Variants in RYR2 observed in about 807,000 individuals in gnomAD.
The protein encoded by RYR2 is cardiac muscle ryanodine receptor-calcium release channel.
A neutral mutation model predicts 601.1 loss-of-function variants in RYR2; 227 were observed. The ratio of observed to expected loss-of-function variants is 0.38; its 90% CI spans 0.34 to 0.42. RYR2 has a LOEUF of 0.42. RYR2 is among the 10% of genes least tolerant of loss of function. The probability of loss-of-function intolerance (pLI) is 1.00; values close to 1 mark genes in which losing one functional copy is unlikely to be tolerated. For missense variants in RYR2, 4,646 were observed against 6,156.5 expected, an observed-to-expected ratio of 0.75 and a Z score of 8.21; for synonymous variants, 2,223 against 2,175.1, an observed-to-expected ratio of 1.02 and a Z score of -0.61.
chr1:237,220,639 A>G lies in RYR2; in HGVS notation c.49-49858A>G, dbSNP rs143613595. Among the ~76,000 whole-genome samples the G allele has an allele frequency of 4.0e-3, 609 of 152,282 alleles. 3 individuals carry two copies. Among genetic ancestry groups the G allele is most frequent in the African/African-American group, 0.014 (570 of 41,556 alleles). On this transcript the variant is annotated intron_variant, in intron 1 of 104. Transcript: ENST00000366574. ...ACCTACGTTTCACTCTGTATTATCCATCTTGCATGCATCATCTCTGATCCT... is the reference window on the plus strand; with the variant it reads ...ACCTACGTTTCACTCTGTATTATCCGTCTTGCATGCATCATCTCTGATCCT...
At chr1:237,320,252 A>T (rs556101571) in intron 2 of RYR2, among the ~76,000 whole-genome samples, 86 of 152,172 alleles carry the variant, frequency 5.7e-4, no homozygotes, top group African/African-American at 1.9e-3. Flanking sequence ...TAATTTATTT[A>T]AAAAATGCAG....
chr1:237,518,347 T>A (rs1381254736), intron 24 of RYR2, among the ~76,000 whole-genome samples: 1 of 152,120 alleles, frequency 6.6e-6, no homozygotes, highest in Non-Finnish European at 1.5e-5. Flanking sequence ...ACTTTGAGGG[T>A]ATCCATCACC....
intron 24 of RYR2, among the ~76,000 whole-genome samples, chr1:237,528,108 C>A (rs959801472): frequency 6.6e-6 from 1 of 152,074 alleles, no homozygotes; most frequent in East Asian, 1.9e-4. Flanking sequence ...ATTAAAGATG[C>A]TGGCAATTTG....
chr1:237,709,525 C>T lies in RYR2; in HGVS notation c.10188C>T (p.Phe3396=), dbSNP rs1405213226. Residue 3396 remains phenylalanine (F), a synonymous_variant, in exon 70 of 105, where the codon TTC becomes TTT. Transcript: ENST00000366574. ...CTAACCCAGAAGCAGAGGAGCTCTT[C>T]CGCATGGTGGCTGAAGTGTTTATCT... is the stretch of plus-strand genomic sequence containing the variant. ...KEPNPEAEEL[F]RMVAEVFIYW... is the part of the protein sequence containing the mutation. 6.2e-7 allele frequency: 1 copy of T among 1,612,232 alleles called. No homozygotes were observed. Among genetic ancestry groups the T allele is most frequent in the Non-Finnish European group, 8.5e-7 (1 of 1,179,072 alleles).
intron 44 of RYR2, among the ~76,000 whole-genome samples, chr1:237,637,247 AT>A (rs1220525649): frequency 6.6e-6 from 1 of 152,202 alleles, no homozygotes; most frequent in African/African-American, 2.4e-5. Flanking sequence ...TTTGAAACTG[AT>A]TTAACTTAAG....
chr1:237,771,717 C>T (rs911930138), intron 85 of RYR2, among the ~76,000 whole-genome samples: 1 of 152,066 alleles, frequency 6.6e-6, no homozygotes, highest in Non-Finnish European at 1.5e-5. Flanking sequence ...AGGATAGCAA[C>T]CTTTTTTAGT....
Position 237,456,575 on chromosome 1 carries a change from A to ATTTT in RYR2, c.1477-14_1477-11dup, listed in dbSNP as rs397516518. 8 of 1,365,674 alleles carry ATTTT rather than the reference A, an allele frequency of 5.9e-6. No individual in the cohort carries two copies. The highest frequency in any genetic ancestry group is 3.6e-5 in the South Asian group (2 of 55,598). 84.6% of individuals were successfully genotyped at this position (1,365,674 alleles called of 1,614,324 possible). A position where few individuals can be genotyped will look rare whatever the true frequency, so the allele number is the denominator to read the frequency against. ...TGACAGTTTTGGATGTCTGATTGTG[A>ATTTT]TTTTTTTTTTTTTTAACGTTCCAGG... On this transcript the variant is annotated intron_variant, in intron 15 of 104. Transcript: ENST00000366574.
rs117007090 is a variant in RYR2 at position 237,107,758 on chromosome 1, G to A, written c.48+65189G>A. Among the ~76,000 whole-genome samples, 20 of 152,144 alleles carry A rather than the reference G, an allele frequency of 1.3e-4. No individual in the cohort carries two copies. In the East Asian group the frequency reaches 3.3e-3, roughly 25 times the overall value. On this transcript the variant is annotated intron_variant, in intron 1 of 104. Coordinates refer to ENST00000366574, the MANE Select transcript of RYR2 (RefSeq NM_001035.3). ...GACACTTGAGGTGGAAGATGCTTTG[G>A]GGCATTCCCTTCCAGATTCACGGTG...
intron 3 of RYR2, among the ~76,000 whole-genome samples, chr1:237,347,333 A>G (rs942431327): frequency 5.9e-5 from 9 of 152,116 alleles, no homozygotes; most frequent in Non-Finnish European, 1.3e-4. Context: ...AAACAGAAAA[A>G]ACAGAGAGGG....
intron 2 of RYR2, among the ~76,000 whole-genome samples, chr1:237,299,733 G>T (rs1307915991): frequency 1.3e-5 from 2 of 152,116 alleles, no homozygotes; most frequent in Non-Finnish European, 2.9e-5. Context: ...CCTCCTAGGG[G>T]CTTTTAGGAG....
At chr1:237,368,383 G>T in intron 5 of RYR2, among the ~76,000 whole-genome samples, 1 of 152,168 alleles carries the variant, frequency 6.6e-6, no homozygotes. Context: ...TAGAGAGAGG[G>T]AATGTTGTAT....
chr1:237,588,488 A>G (rs1384165710), intron 29 of RYR2, among the ~76,000 whole-genome samples: 1 of 152,158 alleles, frequency 6.6e-6, no homozygotes, highest in East Asian at 1.9e-4. Flanking sequence ...GCATTCCAAT[A>G]CTGACGTTTT....
chr1:237,626,580 CTTTTTT>C (rs60885998), intron 40 of RYR2, among the ~76,000 whole-genome samples: 6 of 40,052 alleles, frequency 1.5e-4, no homozygotes, highest in Admixed American at 3.8e-4. Context: ...TTTTCTTTTT[CTTTTTT>C]TTTTTTTTTT....
intron 1 of RYR2, among the ~76,000 whole-genome samples, chr1:237,257,368 C>T (rs1688096086): frequency 6.6e-6 from 1 of 152,142 alleles, no homozygotes; most frequent in Non-Finnish European, 1.5e-5. Context: ...GTGCCAGATG[C>T]TGTGCTATAT....
rs532145435 is a variant in RYR2, at chr1:237,215,356, A to G, written c.49-55141A>G. ...GAAAAAAACACTATATACAGGGTTC[A>G]GTACTATCCACAGTTTCAGGAATCC... On this transcript the variant is annotated intron_variant, in intron 1 of 104. Transcript: ENST00000366574. 6.6e-4 allele frequency among the ~76,000 whole-genome samples: 100 copies of G among 152,342 alleles called. 1 individual carries two copies. The highest frequency in any genetic ancestry group is 5.6e-3 in the South Asian group (27 of 4,828).
chr1:237,133,642 G>T (rs1279514656), intron 1 of RYR2, among the ~76,000 whole-genome samples: 2 of 152,142 alleles, frequency 1.3e-5, no homozygotes, highest in Non-Finnish European at 2.9e-5. Flanking sequence ...GGAGAAGAGA[G>T]CAACTTGTAT....
rs913834681 is a variant in RYR2, at chr1:237,833,550, C to T, written c.*903C>T. ...AAACCTTCAGAAACAAGTTGATCAA[C>T]GTGAGAGAAATTTCATGATAATTAT... is the stretch of plus-strand genomic sequence containing the variant. On this transcript the variant is annotated 3_prime_UTR_variant, in exon 105 of 105. Transcript: ENST00000366574. 6.6e-5 allele frequency: 10 copies of T among 152,354 alleles called. No individual in the cohort carries two copies. Among genetic ancestry groups the T allele is most frequent in the South Asian group, 4.2e-4 (2 of 4,810 alleles). The allele number at this position is 152,354 out of a possible 1,614,324, so 9.4% of individuals were successfully genotyped here.
intron 73 of RYR2, among the ~76,000 whole-genome samples, chr1:237,720,635 T>G (rs1689639395): frequency 6.6e-6 from 1 of 152,218 alleles, no homozygotes; most frequent in Admixed American, 6.5e-5. Context: ...TTTATGTACA[T>G]GGGTATTTGA....
chr1:237,670,736 T>C (rs1178246559), intron 58 of RYR2, among the ~76,000 whole-genome samples: 2 of 152,196 alleles, frequency 1.3e-5, no homozygotes, highest in African/African-American at 2.4e-5. Context: ...CAAAACTGTT[T>C]GAAAGTTGAG....
Sources: allele counts gnomAD v4.1 joint callset (sites outside exome capture counted in the v4.1 genomes callset), GRCh38; gene constraint gnomAD v4.1.1; transcripts MANE v1.5; gene names NCBI Gene and HGNC (gene_info 2026-07-23, HGNC 2026-07-21).